The following FGF13 variants were observed in gnomAD, a reference collection of about 807,000 sequenced individuals.
FGF13 encodes fibroblast growth factor 13, also known as fibroblast growth factor homologous factor 2.
A neutral mutation model predicts 19.5 loss-of-function variants in FGF13; 2 were observed. That is an observed-to-expected ratio of 0.10 (90% CI 0.04 to 0.32). The LOEUF (loss-of-function observed/expected upper bound fraction) is 0.32, where lower values mean the gene tolerates loss of function less well. FGF13 is among the 10% of genes least tolerant of loss of function. FGF13 has a pLI of 1.00. For synonymous variants in FGF13, 72 were observed against 76.9 expected (o/e 0.94, Z 0.33); for missense variants, 113 against 192.7 (o/e 0.59, Z 2.45).
At chrX:138,876,552 C>T (rs2091390152) in intron 1 of FGF13, among the ~76,000 whole-genome samples, 2 of 112,064 alleles carry the variant, frequency 1.8e-5, no homozygotes, top group South Asian at 7.5e-4. Flanking sequence ...TCGGAATAGG[C>T]CCTGTGTGAC....
At chrX:138,814,210 AG>A (rs1399483410) in intron 3 of FGF13, among the ~76,000 whole-genome samples, 1 of 110,422 alleles carries the variant, frequency 9.1e-6, no homozygotes, top group African/African-American at 3.3e-5. Context: ...AGTTATTTTT[AG>A]AATTAGACAA....
chrX:138,984,623 A>AGAGGAGGAGGAG (rs200099451), intron 1 of FGF13, among the ~76,000 whole-genome samples: 1 of 23,799 alleles, frequency 4.2e-5, no homozygotes, highest in African/African-American at 1.4e-4. Context: ...AGGATGAGGA[A>AGAGGAGGAGGAG]GAGGAGGAGG....
At chrX:138,891,340 C>T (rs2091476001) in intron 1 of FGF13, among the ~76,000 whole-genome samples, 1 of 111,437 alleles carries the variant, frequency 9.0e-6, no homozygotes, top group Non-Finnish European at 1.9e-5. Flanking sequence ...TATCCAAAGT[C>T]AGGGTGTCAG....
At chrX:139,196,239 C>T (rs949262935) in intron 1 of FGF13, among the ~76,000 whole-genome samples, 2 of 111,970 alleles carry the variant, frequency 1.8e-5, no homozygotes, top group East Asian at 5.6e-4. Context: ...CTTGAAGACA[C>T]AGGTGAAACA....
chrX:139,104,203 A>G (rs2083539853), intron 1 of FGF13, among the ~76,000 whole-genome samples: 1 of 111,368 alleles, frequency 9.0e-6, no homozygotes, highest in Non-Finnish European at 1.9e-5. Flanking sequence ...CTTTTGAACA[A>G]ACATGGACAA....
chrX:138,953,421 C>G (rs1036550518), intron 1 of FGF13, among the ~76,000 whole-genome samples: 3 of 109,494 alleles, frequency 2.7e-5, no homozygotes, highest in African/African-American at 1.0e-4. Flanking sequence ...CACCCCGGGG[C>G]CTGTGGTGGG....
At chrX:138,763,614 C>T (rs2090483056) in intron 3 of FGF13, among the ~76,000 whole-genome samples, 1 of 111,951 alleles carries the variant, frequency 8.9e-6, no homozygotes, top group Non-Finnish European at 1.9e-5. Flanking sequence ...CAGTATTATC[C>T]TCTACCCTAA....
chrX:139,115,296 C>T (rs2083631720), intron 1 of FGF13, among the ~76,000 whole-genome samples: 1 of 112,217 alleles, frequency 8.9e-6, no homozygotes, highest in African/African-American at 3.2e-5. Context: ...AACAAAGCTC[C>T]CATTTTATTC....
In FGF13 at chrX:138,638,641, T is replaced by G. The variant is rs745461312; in HGVS notation, c.403-2986A>C. 6.2e-5 allele frequency among the ~76,000 whole-genome samples: 7 copies of G among 112,046 alleles called. No homozygotes were observed. The East Asian group carries it at 2.0e-3, about 31-fold the overall frequency. On this transcript the variant is annotated intron_variant, in intron 3 of 4. Transcript: ENST00000315930. ...AGCACATGGCAGACCGCTTGATTAT[T>G]GTTTATGTGATTTGAATTTCAGAGA...
chrX:139,087,238 G>A (rs1002822504), intron 1 of FGF13, among the ~76,000 whole-genome samples: 1 of 110,630 alleles, frequency 9.0e-6, no homozygotes, highest in Non-Finnish European at 1.9e-5. Flanking sequence ...AGAGGTTGCA[G>A]TGAGCCGAGA....
Position 139,104,277 on chromosome X carries a change from C to G in FGF13, c.-113+99139G>C, listed in dbSNP as rs948248028. On this transcript the variant is annotated intron_variant, in intron 1 of 2. Transcript: ENST00000421460. ...CTGTAGGGCCTGGTATTTGATGAAA[C>G]CTAGGCTGGGACTTCTTGTCATTGT... Among the ~76,000 whole-genome samples the G allele has an allele frequency of 7.3e-5, 8 of 110,269 alleles. No homozygotes were observed. The East Asian group carries it at 2.3e-3, about 32-fold the overall frequency.
intron 1 of FGF13, among the ~76,000 whole-genome samples, chrX:138,909,922 G>A (rs1375137011): frequency 9.0e-6 from 1 of 110,868 alleles, no homozygotes; most frequent in Non-Finnish European, 1.9e-5. Context: ...ATGAGTCTGG[G>A]AAACACAGGA....
At chrX:139,001,480 A>T (rs1192707615) in intron 1 of FGF13, among the ~76,000 whole-genome samples, 1 of 111,713 alleles carries the variant, frequency 9.0e-6, no homozygotes, top group African/African-American at 3.3e-5. Context: ...GAACTTAAAC[A>T]AATTTACAAG....
chrX:139,030,070 G>A (rs940491868), intron 1 of FGF13, among the ~76,000 whole-genome samples: 2 of 111,568 alleles, frequency 1.8e-5, no homozygotes, highest in Admixed American at 1.9e-4. Flanking sequence ...CTGTCTGCAG[G>A]CCCTACTTTG....
At chrX:138,922,496 A>AG (rs2091652005) in intron 1 of FGF13, among the ~76,000 whole-genome samples, 1 of 111,230 alleles carries the variant, frequency 9.0e-6, no homozygotes, top group African/African-American at 3.3e-5. Flanking sequence ...CATCATCTTT[A>AG]GGGGGGTGAT....
At chrX:138,963,374 T>C (rs945778205) in intron 1 of FGF13, among the ~76,000 whole-genome samples, 1 of 112,600 alleles carries the variant, frequency 8.9e-6, no homozygotes, top group Non-Finnish European at 1.9e-5. Context: ...GACTAGCCAA[T>C]GTCCACAGAA....
intron 1 of FGF13, among the ~76,000 whole-genome samples, chrX:138,888,475 G>C (rs2091461758): frequency 9.0e-6 from 1 of 110,605 alleles, no homozygotes; most frequent in Admixed American, 9.7e-5. Flanking sequence ...GTGCTCTACT[G>C]TTGGGTCTTC....
intron 3 of FGF13, among the ~76,000 whole-genome samples, chrX:138,779,521 A>G (rs1469924752): frequency 9.1e-6 from 1 of 109,824 alleles, no homozygotes; most frequent in East Asian, 2.9e-4. Flanking sequence ...AAGAATGCAG[A>G]AGCCTCAGGA....
intron 1 of FGF13, among the ~76,000 whole-genome samples, chrX:139,083,743 C>T (rs1427654567): frequency 3.6e-5 from 4 of 111,175 alleles, no homozygotes; most frequent in South Asian, 3.8e-4. Context: ...TGGTGGCATG[C>T]GCCTGTAGTT....
Sources: gnomAD v4.1 joint callset for allele counts (sites outside exome capture counted in the v4.1 genomes callset) on GRCh38, gnomAD v4.1.1 for gene constraint, MANE v1.5 for transcripts, NCBI Gene and HGNC (gene_info 2026-07-23, HGNC 2026-07-21) for gene names.